GRID2: variants seen among roughly 807,000 people sequenced by gnomAD.
The protein encoded by GRID2 is glutamate receptor ionotropic, delta-2.
GRID2 carries 33 observed loss-of-function variants against 114.8 expected under a neutral mutation model. The observed-to-expected ratio is 0.29, with a 90% CI of 0.22 to 0.38. The LOEUF is 0.38. Among genes scored for constraint, GRID2 ranks in the 10% least tolerant of loss-of-function variants. The pLI is 1.00. For missense variants in GRID2, 1,184 were observed against 1,257.7 expected (o/e 0.94, Z 0.89); for synonymous variants, 505 against 449.9 (o/e 1.12, Z -1.55).
chr4:92,926,321 G>A (rs1749806008), intron 2 of GRID2, among the ~76,000 whole-genome samples: 1 of 151,954 alleles, frequency 6.6e-6, no homozygotes, highest in Admixed American at 6.6e-5. Context: ...AAGATGTTAA[G>A]TCACATGTTT....
intron 14 of GRID2, among the ~76,000 whole-genome samples, chr4:93,681,934 T>C (rs1165979590): frequency 1.3e-5 from 2 of 151,072 alleles, no homozygotes; most frequent in East Asian, 3.9e-4. Context: ...ACGAATGGGA[T>C]CTCATTAAAC....
intron 1 of GRID2, among the ~76,000 whole-genome samples, chr4:92,448,699 C>G (rs185535793): frequency 5.2e-4 from 79 of 151,532 alleles, no homozygotes; most frequent in Non-Finnish European, 9.9e-4. Context: ...TTTAGGAATT[C>G]ATGAAAAATT....
At chr4:93,535,124 T>C (rs1731904898) in intron 13 of GRID2, among the ~76,000 whole-genome samples, 1 of 151,942 alleles carries the variant, frequency 6.6e-6, no homozygotes, top group Non-Finnish European at 1.5e-5. Context: ...AGTATGTCTT[T>C]TTATGTCTGG....
intron 2 of GRID2, among the ~76,000 whole-genome samples, chr4:92,688,703 C>A (rs1734040012): frequency 6.6e-6 from 1 of 152,120 alleles, no homozygotes; most frequent in South Asian, 2.1e-4. Context: ...AAGTCTTAAG[C>A]CTCCCAAAGT....
At chr4:93,184,267 C>G (rs1385697123) in intron 4 of GRID2, among the ~76,000 whole-genome samples, 1 of 152,050 alleles carries the variant, frequency 6.6e-6, no homozygotes, top group African/African-American at 2.4e-5. Flanking sequence ...TTGCTTGGCT[C>G]TAGCTATGCA....
intron 2 of GRID2, among the ~76,000 whole-genome samples, chr4:92,954,495 C>T (rs1358361498): frequency 6.6e-6 from 1 of 151,822 alleles, no homozygotes; most frequent in Non-Finnish European, 1.5e-5. Flanking sequence ...GGAGCGATCT[C>T]GACTCACTGC....
At chr4:92,615,754 A>G (rs888487521) in intron 2 of GRID2, among the ~76,000 whole-genome samples, 2 of 151,390 alleles carry the variant, frequency 1.3e-5, no homozygotes, top group Admixed American at 6.6e-5. Flanking sequence ...TTAATTCCTT[A>G]TTAGTTTTTG....
At chr4:93,368,348 T>A (rs887343615) in intron 8 of GRID2, among the ~76,000 whole-genome samples, 4 of 152,156 alleles carry the variant, frequency 2.6e-5, no homozygotes, top group Non-Finnish European at 5.9e-5. Flanking sequence ...TTAACTATGT[T>A]ACATTCTTAA....
At chr4:92,890,320 T>G (rs1280037535) in intron 2 of GRID2, among the ~76,000 whole-genome samples, 3 of 151,986 alleles carry the variant, frequency 2.0e-5, no homozygotes, top group Non-Finnish European at 4.4e-5. Context: ...ATCATCAGAG[T>G]GAACAGGCAA....
At chr4:92,405,640 A>T (rs1383056434) in intron 1 of GRID2, among the ~76,000 whole-genome samples, 2 of 152,010 alleles carry the variant, frequency 1.3e-5, no homozygotes, top group Non-Finnish European at 2.9e-5. Context: ...AGCAATACAT[A>T]AGGGAAAAAA....
chr4:93,033,140 G>A (rs544882116), intron 2 of GRID2, among the ~76,000 whole-genome samples: 240 of 152,242 alleles, frequency 1.6e-3, no homozygotes, highest in African/African-American at 5.5e-3. Flanking sequence ...TCCCTGTGGA[G>A]AGTTTAGCAA....
chr4:93,467,418 G>A (rs1354748967), intron 11 of GRID2, among the ~76,000 whole-genome samples: 3 of 152,118 alleles, frequency 2.0e-5, no homozygotes, highest in African/African-American at 7.2e-5. Flanking sequence ...TTATATAAAG[G>A]TGATTCAAAC....
chr4:93,614,481 A>G (rs994273263), intron 13 of GRID2, among the ~76,000 whole-genome samples: 5 of 152,228 alleles, frequency 3.3e-5, no homozygotes, highest in African/African-American at 1.2e-4. Flanking sequence ...CCCATAAAAT[A>G]TAGTGTGTAA....
chr4:92,894,217 T>C (rs1439393622), intron 2 of GRID2, among the ~76,000 whole-genome samples: 1 of 152,184 alleles, frequency 6.6e-6, no homozygotes, highest in Non-Finnish European at 1.5e-5. Flanking sequence ...ATAGTGTTCA[T>C]ATAAATCTAG....
intron 2 of GRID2, among the ~76,000 whole-genome samples, chr4:92,889,201 A>G (rs1054627681): frequency 1.3e-5 from 2 of 152,164 alleles, no homozygotes; most frequent in African/African-American, 2.4e-5. Flanking sequence ...AATTTTACCT[A>G]AACTTCTATT....
At chr4:92,482,241 C>T (rs1451753446) in intron 1 of GRID2, among the ~76,000 whole-genome samples, 1 of 151,500 alleles carries the variant, frequency 6.6e-6, no homozygotes, top group Admixed American at 6.6e-5. Flanking sequence ...TGCATGTCCT[C>T]ACTTATATGT....
intron 1 of GRID2, among the ~76,000 whole-genome samples, chr4:92,565,471 A>T (rs1354475327): frequency 6.6e-6 from 1 of 152,058 alleles, no homozygotes; most frequent in Admixed American, 6.6e-5. Flanking sequence ...GAAATATTTT[A>T]AATCTTTCAC....
intron 13 of GRID2, among the ~76,000 whole-genome samples, chr4:93,570,859 T>C (rs1166134021): frequency 6.6e-6 from 1 of 152,160 alleles, no homozygotes; most frequent in African/African-American, 2.4e-5. Context: ...ATCAGGTAAA[T>C]TGGCCCTGAA....
At chr4:93,650,732 T>C (rs2149721066) in intron 14 of GRID2, among the ~76,000 whole-genome samples, 1 of 152,252 alleles carries the variant, frequency 6.6e-6, no homozygotes, top group East Asian at 1.9e-4. Context: ...TCTTTTGACC[T>C]TCAGTGCATG....
Sources: gnomAD v4.1 joint callset for allele counts (sites outside exome capture counted in the v4.1 genomes callset) on GRCh38, gnomAD v4.1.1 for gene constraint, MANE v1.5 for transcripts, NCBI Gene and HGNC (gene_info 2026-07-23, HGNC 2026-07-21) for gene names.